The following CACNA1A variants were observed in gnomAD, a reference collection of about 807,000 sequenced individuals.
The protein encoded by CACNA1A is calcium voltage-gated channel subunit alpha1 A.
In CACNA1A, 57 loss-of-function variants were observed where a neutral mutation model predicts 262.4. The observed-to-expected ratio is 0.22, with a 90% CI of 0.18 to 0.27. The LOEUF is 0.27. Ranked by LOEUF, CACNA1A falls within the 10% of genes least tolerant of loss-of-function variation. The pLI is 1.00. For synonymous variants in CACNA1A, 1,431 were observed against 1,419.3 expected (o/e 1.01, Z -0.18); for missense variants, 2,526 against 3,562.8 (o/e 0.71, Z 7.41).
At chr19:13,237,088 C>T (rs961431386) in intron 31 of CACNA1A, among the ~76,000 whole-genome samples, 16 of 152,168 alleles carry the variant, frequency 1.1e-4, no homozygotes, top group Non-Finnish European at 2.1e-4. Flanking sequence ...CGATTGCTCC[C>T]TGGAAGCAGG....
intron 3 of CACNA1A, among the ~76,000 whole-genome samples, chr19:13,441,531 G>T (rs111980837): frequency 1.3e-5 from 2 of 152,096 alleles, no homozygotes; most frequent in South Asian, 4.2e-4. Flanking sequence ...GCCAGGCATG[G>T]TGGTGTGCGC....
intron 6 of CACNA1A, 106 bp from the exon 7 acceptor site, chr19:13,336,015 A>G: frequency 1.5e-6 from 1 of 672,526 alleles, no homozygotes; most frequent in Non-Finnish European, 2.6e-6. Context: ...TCTGTCTTAA[A>G]TGTTCTTGGC....
intron 25 of CACNA1A, 101 bp downstream of exon 25, chr19:13,262,633 C>T: frequency 1.4e-6 from 1 of 714,692 alleles, no homozygotes. Context: ...TTATCAGCAC[C>T]TCCTTTAATG....
intron 3 of CACNA1A, among the ~76,000 whole-genome samples, chr19:13,390,622 A>G (rs766528335): frequency 2.2e-4 from 33 of 152,224 alleles, no homozygotes; most frequent in Non-Finnish European, 4.4e-4. Context: ...AGGGACCTCT[A>G]TAACAAACAG....
At chr19:13,404,691 T>C (rs892362376) in intron 3 of CACNA1A, among the ~76,000 whole-genome samples, 5 of 152,146 alleles carry the variant, frequency 3.3e-5, no homozygotes, top group Admixed American at 6.5e-5. Context: ...TCCCGTGATG[T>C]TTCCAGCCTG....
At chr19:13,441,927 C>T (rs183705736) in intron 3 of CACNA1A, among the ~76,000 whole-genome samples, 6 of 152,166 alleles carry the variant, frequency 3.9e-5, no homozygotes, top group Admixed American at 2.0e-4. Flanking sequence ...CTTCTCCAGC[C>T]CCACAGGGAA....
chr19:13,489,094 C>T (rs972476033), intron 1 of CACNA1A, among the ~76,000 whole-genome samples: 1 of 145,986 alleles, frequency 6.8e-6, no homozygotes, highest in African/African-American at 2.6e-5. Flanking sequence ...TCACTGCAGC[C>T]TCTGCCTCCT....
At chr19:13,436,471 C>T (rs1418157982) in intron 3 of CACNA1A, among the ~76,000 whole-genome samples, 2 of 152,178 alleles carry the variant, frequency 1.3e-5, no homozygotes, top group African/African-American at 4.8e-5. Context: ...TAACAAAAGC[C>T]ATGAAGCCTG....
chr19:13,432,193 T>C (rs1763981833), intron 3 of CACNA1A, among the ~76,000 whole-genome samples: 4 of 149,278 alleles, frequency 2.7e-5, no homozygotes, highest in African/African-American at 9.9e-5. Context: ...GGTGGGTGGA[T>C]CACTGGAGGT....
intron 24 of CACNA1A, among the ~76,000 whole-genome samples, chr19:13,271,144 T>A (rs1273907139): frequency 1.3e-5 from 2 of 150,404 alleles, no homozygotes; most frequent in Non-Finnish European, 3.0e-5. Context: ...TGCCCTTGTA[T>A]AACTTGATAT....
At chr19:13,401,665 C>T (rs2059902701) in intron 3 of CACNA1A, among the ~76,000 whole-genome samples, 1 of 152,144 alleles carries the variant, frequency 6.6e-6, no homozygotes, top group African/African-American at 2.4e-5. Context: ...TCCCACTCCA[C>T]TTTCCCTTTT....
chr19:13,333,035 G>A (rs1032425871), intron 8 of CACNA1A, 110 bp from the exon 9 acceptor site: 26 of 832,054 alleles, frequency 3.1e-5, no homozygotes, highest in African/African-American at 5.0e-5. Flanking sequence ...GACTGATGGT[G>A]ACAGCTCAAC....
intron 1 of CACNA1A, among the ~76,000 whole-genome samples, chr19:13,464,762 G>T (rs7259016): frequency 6.6e-6 from 1 of 151,454 alleles, no homozygotes; most frequent in Admixed American, 6.6e-5. Context: ...GTTAGCCAGG[G>T]TGGTCTCGAT....
chr19:13,254,746 T>C (rs1346406796), intron 29 of CACNA1A, among the ~76,000 whole-genome samples: 1 of 152,168 alleles, frequency 6.6e-6, no homozygotes, highest in Non-Finnish European at 1.5e-5. Flanking sequence ...AATTCAGGGC[T>C]GAGGTCATCA....
chr19:13,340,719 G>A (rs1347953384), intron 6 of CACNA1A, among the ~76,000 whole-genome samples: 1 of 152,144 alleles, frequency 6.6e-6, no homozygotes, highest in Non-Finnish European at 1.5e-5. Context: ...GAGCCATCAC[G>A]CCTGGCCGAG....
At chr19:13,330,137 G>A in intron 10 of CACNA1A, 107 bp downstream of exon 10, 1 of 716,056 alleles carries the variant, frequency 1.4e-6, no homozygotes, top group Non-Finnish European at 2.4e-6. Flanking sequence ...GTGGAGCTGA[G>A]ACCCAAATCC....
chr19:13,386,654 G>A (rs1212330673), intron 3 of CACNA1A, among the ~76,000 whole-genome samples: 1 of 151,972 alleles, frequency 6.6e-6, no homozygotes, highest in African/African-American at 2.4e-5. Context: ...TTAGCCGGAT[G>A]CAGTGGCAGG....
At chr19:13,497,084 A>G (rs1981619124) in intron 1 of CACNA1A, among the ~76,000 whole-genome samples, 2 of 152,080 alleles carry the variant, frequency 1.3e-5, no homozygotes, top group African/African-American at 4.8e-5. Flanking sequence ...CTGCTTCTCT[A>G]CAACCATATC....
intron 15 of CACNA1A, among the ~76,000 whole-genome samples, chr19:13,304,886 T>G (rs1420851071): frequency 6.6e-6 from 1 of 152,232 alleles, no homozygotes; most frequent in Non-Finnish European, 1.5e-5. Flanking sequence ...TATTTTGTTA[T>G]GGCTGCCTGA....
Sources: allele counts gnomAD v4.1 joint callset (sites outside exome capture counted in the v4.1 genomes callset), GRCh38; gene constraint gnomAD v4.1.1; transcripts MANE v1.5; gene names NCBI Gene and HGNC (gene_info 2026-07-23, HGNC 2026-07-21).